Variants in PHF20L1 observed in about 807,000 individuals in gnomAD.
PHF20L1 encodes the protein PHD finger protein 20-like protein 1.
In PHF20L1, 44 loss-of-function variants were observed where a neutral mutation model predicts 125.5. The observed-to-expected ratio is 0.35, with a 90% CI of 0.28 to 0.45. The LOEUF (loss-of-function observed/expected upper bound fraction) is 0.45, where lower values mean the gene tolerates loss of function less well. PHF20L1 is among the 20% of genes least tolerant of loss of function. PHF20L1 has a pLI of 1.00. For missense variants in PHF20L1, 1,012 were observed against 1,217.2 expected (o/e 0.83, Z 2.51); for synonymous variants, 380 against 403.1 (o/e 0.94, Z 0.69).
chr8:132,776,711 G>A (rs1272477281), intron 1 of PHF20L1, among the ~76,000 whole-genome samples: 3 of 152,298 alleles, frequency 2.0e-5, no homozygotes, highest in African/African-American at 7.2e-5. Flanking sequence ...TATGAATTGT[G>A]ACAAAACCAT....
rs773993146 is a variant in PHF20L1 at position 132,847,167 on chromosome 8, TAAAC to T, written c.*1250_*1253del. The T allele has an allele frequency of 1.5e-4, 23 of 152,718 alleles. No individual in the cohort carries two copies. The highest frequency in any genetic ancestry group is 3.9e-4 in the East Asian group (2 of 5,190). The allele number at this position is 152,718 out of a possible 1,614,324, so 9.5% of individuals were successfully genotyped here. On this transcript the variant is annotated 3_prime_UTR_variant, in exon 21 of 21. Transcript: ENST00000395386. Reference sequence around the variant, plus strand: ...TATGCGTAAGTGTGTATGCTTGTTTTAAACAAACACTCAACGTACATATGTACAT... The same window carrying T: ...TATGCGTAAGTGTGTATGCTTGTTTTAAACACTCAACGTACATATGTACAT...
At chr8:132,812,109 C>T (rs1027805092) in intron 9 of PHF20L1, 1 of 974,764 alleles carries the variant, frequency 1.0e-6, no homozygotes, top group Admixed American at 6.2e-5. Flanking sequence ...TTGAATCATA[C>T]CTTCTGATTT....
chr8:132,839,823 A>G (rs562778283), intron 18 of PHF20L1, among the ~76,000 whole-genome samples: 34 of 152,268 alleles, frequency 2.2e-4, no homozygotes, highest in African/African-American at 8.2e-4. Flanking sequence ...ATTTCAACAC[A>G]TTTTAGCTCC....
At chr8:132,836,374 T>C (rs952909581) in intron 15 of PHF20L1, 166 bp from the exon 16 acceptor site, 2 of 504,912 alleles carry the variant, frequency 4.0e-6, no homozygotes, top group African/African-American at 1.9e-5. Context: ...CAAAAATCTT[T>C]TGTTTCCATG....
chr8:132,793,761 C>T (rs1244238828), intron 2 of PHF20L1, among the ~76,000 whole-genome samples: 1 of 152,084 alleles, frequency 6.6e-6, no homozygotes, highest in Admixed American at 6.6e-5. Context: ...CTGAGCCTTA[C>T]CATCATTGTT....
intron 17 of PHF20L1, 87 bp downstream of exon 17, chr8:132,837,898 C>G: frequency 3.5e-6 from 3 of 864,512 alleles, no homozygotes. Flanking sequence ...TTCACCACCA[C>G]TACAGCAAGT....
chr8:132,819,356 T>C (rs560627680), intron 12 of PHF20L1, among the ~76,000 whole-genome samples: 11 of 152,020 alleles, frequency 7.2e-5, no homozygotes, highest in Admixed American at 2.0e-4. Context: ...TAGTTTTAAT[T>C]GTTAATTACT....
intron 13 of PHF20L1, chr8:132,825,042 G>T (rs1388095341): frequency 6.9e-7 from 1 of 1,454,632 alleles, no homozygotes; most frequent in South Asian, 1.1e-5. Context: ...AAGGTATCAG[G>T]AGTTGGGATT....
chr8:132,812,343 C>T (rs1289217461), intron 9 of PHF20L1: 1 of 984,404 alleles, frequency 1.0e-6, no homozygotes, highest in Admixed American at 6.2e-5. Context: ...TGATTATGCA[C>T]AATCCTGCTG....
chr8:132,783,075 T>C (rs1830615638), intron 2 of PHF20L1, among the ~76,000 whole-genome samples: 1 of 152,220 alleles, frequency 6.6e-6, no homozygotes, highest in South Asian at 2.1e-4. Context: ...AGTAAGCGAT[T>C]GTTACAAAAA....
rs1223453667 is a variant in PHF20L1 at position 132,846,350 on chromosome 8, TG to T, written c.*429del. The T allele has an allele frequency of 6.5e-6, 1 of 153,890 alleles. No individual in the cohort carries two copies. Among genetic ancestry groups the T allele is most frequent in the African/African-American group, 2.4e-5 (1 of 41,438 alleles). The allele number at this position is 153,890 out of a possible 1,614,324, so 9.5% of individuals were successfully genotyped here. On this transcript the variant is annotated 3_prime_UTR_variant, in exon 21 of 21. Coordinates refer to ENST00000395386, the MANE Select transcript of PHF20L1 (RefSeq NM_016018.5). ...AAAATTGTAAAGGAAATTTAAATTC[TG>T]GAGAATTCTACAGGGTTGCTCTAAG...
intron 12 of PHF20L1, among the ~76,000 whole-genome samples, chr8:132,821,272 CTCT>C (rs1406078027): frequency 6.6e-6 from 1 of 151,928 alleles, no homozygotes; most frequent in Non-Finnish European, 1.5e-5. Context: ...GATAGTTGGA[CTCT>C]TCTTAGTGAA....
At chr8:132,831,123 C>T (rs950112294) in intron 14 of PHF20L1, among the ~76,000 whole-genome samples, 4 of 152,080 alleles carry the variant, frequency 2.6e-5, no homozygotes, top group Non-Finnish European at 4.4e-5. Context: ...ATCCTCCATT[C>T]CACAGCTAGA....
At chr8:132,792,797 T>G (rs955126377) in intron 2 of PHF20L1, among the ~76,000 whole-genome samples, 19 of 152,132 alleles carry the variant, frequency 1.2e-4, no homozygotes, top group African/African-American at 4.3e-4. Flanking sequence ...CAAGAAATGT[T>G]AATACATTTT....
At chr8:132,839,832 C>T (rs906229298) in intron 18 of PHF20L1, among the ~76,000 whole-genome samples, 1 of 152,054 alleles carries the variant, frequency 6.6e-6, no homozygotes, top group Admixed American at 6.6e-5. Flanking sequence ...CATTTTAGCT[C>T]CTGTCCCACT....
intron 2 of PHF20L1, among the ~76,000 whole-genome samples, chr8:132,781,960 C>T (rs1830481219): frequency 6.6e-6 from 1 of 152,192 alleles, no homozygotes; most frequent in African/African-American, 2.4e-5. Flanking sequence ...TATAGCTTTA[C>T]AATATTTTAA....
intron 15 of PHF20L1, among the ~76,000 whole-genome samples, chr8:132,835,913 A>C (rs1163940124): frequency 6.6e-6 from 1 of 152,088 alleles, no homozygotes; most frequent in Non-Finnish European, 1.5e-5. Flanking sequence ...GCTATTGTTG[A>C]TTTTAGACCC....
intron 18 of PHF20L1, 130 bp downstream of exon 18, chr8:132,839,712 T>A: frequency 1.5e-6 from 1 of 645,662 alleles, no homozygotes; most frequent in Non-Finnish European, 2.7e-6. Flanking sequence ...AAAGTTTCAT[T>A]TTTAAAAATA....
chr8:132,817,220 A>G, intron 11 of PHF20L1, 119 bp from the exon 12 acceptor site: 1 of 944,660 alleles, frequency 1.1e-6, no homozygotes, highest in Non-Finnish European at 1.6e-6. Context: ...ACAAATATTT[A>G]TTGAGTGCCT....
Sources: gnomAD v4.1 joint callset for allele counts (sites outside exome capture counted in the v4.1 genomes callset) on GRCh38, gnomAD v4.1.1 for gene constraint, MANE v1.5 for transcripts, NCBI Gene and HGNC (gene_info 2026-07-23, HGNC 2026-07-21) for gene names.